The following DLC1 variants were observed in gnomAD, a reference collection of about 807,000 sequenced individuals.
The protein encoded by DLC1 is DLC1 Rho GTPase activating protein.
In DLC1, 54 loss-of-function variants were observed where a neutral mutation model predicts 140.3. That is an observed-to-expected ratio of 0.38 (90% confidence interval 0.31 to 0.48). The LOEUF (loss-of-function observed/expected upper bound fraction) is 0.48. Ranked by LOEUF, DLC1 falls within the 20% of genes least tolerant of loss-of-function variation. DLC1 has a pLI of 0.96. For missense variants in DLC1, 2,536 were observed against 1,907.0 expected, an observed-to-expected ratio of 1.33 and a Z score of -6.14; for synonymous variants, 986 against 728.1, an observed-to-expected ratio of 1.35 and a Z score of -5.70.
chr8:13,589,938 T>A (rs2117470086), intron 1 of DLC1, among the ~76,000 whole-genome samples: 1 of 152,048 alleles, frequency 6.6e-6, no homozygotes, highest in South Asian at 2.1e-4. Context: ...AGCTGCTATC[T>A]GTGTATTATA....
At chr8:13,440,765 T>A (rs1200680809) in intron 2 of DLC1, among the ~76,000 whole-genome samples, 1 of 152,118 alleles carries the variant, frequency 6.6e-6, no homozygotes, top group Non-Finnish European at 1.5e-5. Flanking sequence ...TCTCACGAGA[T>A]CTGAAGGGTT....
intron 2 of DLC1, among the ~76,000 whole-genome samples, chr8:13,435,310 T>A (rs1338211976): frequency 6.6e-6 from 1 of 151,892 alleles, no homozygotes; most frequent in Non-Finnish European, 1.5e-5. Flanking sequence ...GGATGAGGAG[T>A]TGTTTTTTCT....
chr8:13,382,708 A>G (rs1404735661), intron 4 of DLC1, among the ~76,000 whole-genome samples: 1 of 152,148 alleles, frequency 6.6e-6, no homozygotes, highest in Non-Finnish European at 1.5e-5. Context: ...GTCTCAAAAT[A>G]AAATCCTTTG....
At chr8:13,344,231 T>C (rs950559559) in intron 4 of DLC1, among the ~76,000 whole-genome samples, 12 of 152,196 alleles carry the variant, frequency 7.9e-5, no homozygotes, top group Non-Finnish European at 1.8e-4. Context: ...TGGTGGTTCA[T>C]ACCTGTAATC....
At chr8:13,465,191 G>A (rs1232347775) in intron 2 of DLC1, among the ~76,000 whole-genome samples, 1 of 152,106 alleles carries the variant, frequency 6.6e-6, no homozygotes, top group Non-Finnish European at 1.5e-5. Flanking sequence ...ATTATTATGA[G>A]CAGTAATGCA....
chr8:13,150,911 T>C (rs778524838), intron 5 of DLC1, among the ~76,000 whole-genome samples: 1 of 152,188 alleles, frequency 6.6e-6, no homozygotes, highest in Non-Finnish European at 1.5e-5. Context: ...ATAGTGAAGC[T>C]CAGATGTTTT....
chr8:13,406,856 G>C (rs965528872), intron 2 of DLC1, among the ~76,000 whole-genome samples: 1 of 152,174 alleles, frequency 6.6e-6, no homozygotes, highest in Non-Finnish European at 1.5e-5. Context: ...AATAGCCACA[G>C]TCTGCTTTTT....
At chr8:13,322,659 A>C (rs968296257) in intron 4 of DLC1, among the ~76,000 whole-genome samples, 2 of 152,214 alleles carry the variant, frequency 1.3e-5, no homozygotes, top group African/African-American at 4.8e-5. Context: ...TCTGTGCTGA[A>C]ATATGCTATG....
intron 1 of DLC1, among the ~76,000 whole-genome samples, chr8:13,539,549 C>A (rs528446521): frequency 6.6e-6 from 1 of 152,194 alleles, no homozygotes; most frequent in Admixed American, 6.5e-5. Context: ...GCTGAGAGCT[C>A]CTTTAAGAAC....
intron 4 of DLC1, among the ~76,000 whole-genome samples, chr8:13,332,015 C>G (rs1050905586): frequency 4.6e-5 from 7 of 152,194 alleles, no homozygotes; most frequent in Non-Finnish European, 8.8e-5. Context: ...TCAGCTTCCA[C>G]AAAATGACGA....
In DLC1 at chr8:13,507,801, A is replaced by C. The variant is rs570527077; in HGVS notation, c.-126+6801T>G. ...AAAAACTTTACCAAATTAAAGAATAAGTCATCTATAATGAGCCAAGTAAGG... is the reference window on the plus strand; with the variant it reads ...AAAAACTTTACCAAATTAAAGAATACGTCATCTATAATGAGCCAAGTAAGG... On this transcript the variant is annotated intron_variant, in intron 1 of 17. Transcript: ENST00000276297. 3.3e-5 allele frequency among the ~76,000 whole-genome samples: 5 copies of C among 152,330 alleles called. No homozygotes were observed. In the South Asian group the frequency reaches 1.0e-3, roughly 32 times the overall value.
At position 13,295,827 on chromosome 8, in the gene DLC1, C is replaced by T. The variant is rs939235439; in HGVS notation, c.1348+9442G>A. On this transcript the variant is annotated intron_variant, in intron 5 of 17. Coordinates refer to ENST00000276297, the MANE Select transcript of DLC1 (RefSeq NM_182643.3). Reference sequence around the variant, plus strand: ...TCAATCAACACTTTTCTTGTGGGTACGTATTTGTGTATATATTCACATTAT... The same window carrying T: ...TCAATCAACACTTTTCTTGTGGGTATGTATTTGTGTATATATTCACATTAT... Among the ~76,000 whole-genome samples, 28 of 150,404 alleles carry T rather than the reference C, an allele frequency of 1.9e-4. 1 individual carries two copies. The Middle Eastern group carries it at 0.011, about 57-fold the overall frequency.
chr8:13,159,295 C>T (rs188917583), intron 5 of DLC1, among the ~76,000 whole-genome samples: 19 of 152,140 alleles, frequency 1.2e-4, no homozygotes, highest in Non-Finnish European at 2.4e-4. Flanking sequence ...GAGTATCACA[C>T]GGGATGCCAA....
upstream of DLC1, among the ~76,000 whole-genome samples, chr8:13,515,154 A>G (rs376094260): frequency 4.6e-4 from 70 of 152,242 alleles, no homozygotes; most frequent in African/African-American, 1.6e-3. Flanking sequence ...CAACCTTTCC[A>G]CTATATTAAA....
intron 1 of DLC1, among the ~76,000 whole-genome samples, chr8:13,533,535 A>G (rs955201125): frequency 2.0e-5 from 3 of 152,172 alleles, no homozygotes; most frequent in Non-Finnish European, 4.4e-5. Context: ...CTCCATAATC[A>G]TGAAAAGTAG....
At chr8:13,385,801 G>T (rs1359282765) in intron 4 of DLC1, among the ~76,000 whole-genome samples, 1 of 152,146 alleles carries the variant, frequency 6.6e-6, no homozygotes, top group Non-Finnish European at 1.5e-5. Context: ...GACTTTAACT[G>T]TCTTTAAGAC....
intron 1 of DLC1, among the ~76,000 whole-genome samples, chr8:13,560,233 C>A (rs1211917137): frequency 2.0e-5 from 3 of 152,090 alleles, no homozygotes; most frequent in Non-Finnish European, 4.4e-5. Flanking sequence ...TTGCCTAATG[C>A]TTAAAAACAT....
At chr8:13,351,195 G>A (rs916515995) in intron 4 of DLC1, among the ~76,000 whole-genome samples, 1 of 152,180 alleles carries the variant, frequency 6.6e-6, no homozygotes, top group African/African-American at 2.4e-5. Flanking sequence ...TTCTATACAA[G>A]CACAGTCCTA....
At chr8:13,470,102 C>T (rs1385336388) in intron 2 of DLC1, among the ~76,000 whole-genome samples, 1 of 152,070 alleles carries the variant, frequency 6.6e-6, no homozygotes, top group Non-Finnish European at 1.5e-5. Context: ...ACCATTACTT[C>T]CTCTTGTGGA....
Sources: gnomAD v4.1 joint callset for allele counts (sites outside exome capture counted in the v4.1 genomes callset) on GRCh38, gnomAD v4.1.1 for gene constraint, MANE v1.5 for transcripts, NCBI Gene and HGNC (gene_info 2026-07-23, HGNC 2026-07-21) for gene names.